Variants in XKR9 observed in about 807,000 individuals in gnomAD.
XKR9 encodes XK related 9, also known as XK-related protein 9.
In XKR9, 32 loss-of-function variants were observed where a neutral mutation model predicts 32.0. That is an observed-to-expected ratio of 1.00 (90% CI 0.76 to 1.34). XKR9 has a LOEUF of 1.34. Ranked by LOEUF, XKR9 falls within the 40% of genes most tolerant of loss-of-function variation. XKR9 has a pLI of 0.00. For missense variants in XKR9, 546 were observed against 429.7 expected (o/e 1.27, Z -2.39); for synonymous variants, 168 against 143.4 (o/e 1.17, Z -1.22).
At chr8:70,806,124 A>C in the XKR9 span, among the ~76,000 whole-genome samples, 1 of 152,154 alleles carries the variant, frequency 6.6e-6, no homozygotes, top group African/African-American at 2.4e-5. Flanking sequence ...AACCAGATGA[A>C]TGGGGCCTGA....
At chr8:71,042,347 G>T in the XKR9 span, among the ~76,000 whole-genome samples, 1 of 152,088 alleles carries the variant, frequency 6.6e-6, no homozygotes, top group Non-Finnish European at 1.5e-5. Context: ...CTCAGAGGGG[G>T]CAGTAGAGTA....
chr8:70,828,618 G>C, the XKR9 span, among the ~76,000 whole-genome samples: 2 of 151,806 alleles, frequency 1.3e-5, no homozygotes, highest in Non-Finnish European at 2.9e-5. Flanking sequence ...AGCTACTAGA[G>C]AGGCTGAGGC....
the XKR9 span, among the ~76,000 whole-genome samples, chr8:70,928,093 A>G: frequency 6.6e-6 from 1 of 152,200 alleles, no homozygotes; most frequent in South Asian, 2.1e-4. Context: ...ACCAAGCTGG[A>G]GTGCAGTAGA....
the XKR9 span, among the ~76,000 whole-genome samples, chr8:70,812,879 A>G: frequency 6.6e-6 from 1 of 152,238 alleles, no homozygotes; most frequent in Non-Finnish European, 1.5e-5. Flanking sequence ...AAGGTAATTT[A>G]TAGATTCAAT....
chr8:70,753,258 T>C (rs1288065898), intron 2 of XKR9, among the ~76,000 whole-genome samples: 3 of 152,056 alleles, frequency 2.0e-5, no homozygotes, highest in Non-Finnish European at 2.9e-5. Flanking sequence ...GGATCTGAAA[T>C]TGTGGCAATA....
the XKR9 span, among the ~76,000 whole-genome samples, chr8:71,018,336 T>C: frequency 6.6e-6 from 1 of 152,168 alleles, no homozygotes; most frequent in Non-Finnish European, 1.5e-5. Context: ...AATTTAACAA[T>C]TTGAAGAGAA....
chr8:70,912,356 A>G, the XKR9 span, among the ~76,000 whole-genome samples: 3 of 152,180 alleles, frequency 2.0e-5, no homozygotes, highest in Non-Finnish European at 2.9e-5. Flanking sequence ...GATGCATTAC[A>G]TGAAGACTAT....
At chr8:70,958,810 G>A in the XKR9 span, among the ~76,000 whole-genome samples, 1 of 152,126 alleles carries the variant, frequency 6.6e-6, no homozygotes, top group Non-Finnish European at 1.5e-5. Flanking sequence ...AGAGAGGACT[G>A]TTAGTCAAGT....
the XKR9 span, among the ~76,000 whole-genome samples, chr8:70,938,320 G>A: frequency 6.6e-6 from 1 of 151,838 alleles, no homozygotes; most frequent in African/African-American, 2.4e-5. Flanking sequence ...CTCGAGAAGA[G>A]GTTGGTCCTG....
the XKR9 span, among the ~76,000 whole-genome samples, chr8:70,825,041 C>T: frequency 6.6e-6 from 1 of 152,024 alleles, no homozygotes; most frequent in Non-Finnish European, 1.5e-5. Flanking sequence ...TTACTTTAAG[C>T]CAAATCAAGT....
At position 70,747,045 on chromosome 8, in the gene XKR9, G is replaced by A. The variant is rs889710799; in HGVS notation, n.352+39892G>A. 1.2e-4 allele frequency among the ~76,000 whole-genome samples: 18 copies of A among 152,084 alleles called. 1 individual carries two copies. The highest frequency in any genetic ancestry group is 2.9e-4 in the African/African-American group (12 of 41,406). Reference sequence around the variant, plus strand: ...TCTGTTTCTGTGTTAATTCACTTACGATAATGGCCTCCAGCTATCCATGGT... The same window carrying A: ...TCTGTTTCTGTGTTAATTCACTTACAATAATGGCCTCCAGCTATCCATGGT... On this transcript the variant is annotated intron_variant and non_coding_transcript_variant, in intron 2 of 3. Transcript: ENST00000520273.
chr8:70,992,848 T>G, the XKR9 span, among the ~76,000 whole-genome samples: 1 of 152,164 alleles, frequency 6.6e-6, no homozygotes, highest in Non-Finnish European at 1.5e-5. Flanking sequence ...GAGTCCAGAT[T>G]TACAGGCTCT....
At chr8:70,914,756 T>A in the XKR9 span, among the ~76,000 whole-genome samples, 4 of 152,232 alleles carry the variant, frequency 2.6e-5, no homozygotes, top group African/African-American at 7.2e-5. Context: ...TTTTCCTTTA[T>A]GGCTACTGCT....
chr8:70,713,522 C>G (rs1805989249), intron 4 of XKR9, among the ~76,000 whole-genome samples: 1 of 152,054 alleles, frequency 6.6e-6, no homozygotes, highest in Non-Finnish European at 1.5e-5. Context: ...GAGTGTACTT[C>G]AGACAAAACA....
At chr8:70,691,449 C>T (rs1805066445) in intron 3 of XKR9, among the ~76,000 whole-genome samples, 1 of 152,128 alleles carries the variant, frequency 6.6e-6, no homozygotes, top group African/African-American at 2.4e-5. Context: ...GCTTTTGTTG[C>T]AACTGCTTTT....
At chr8:71,024,389 C>T in the XKR9 span, among the ~76,000 whole-genome samples, 2 of 152,070 alleles carry the variant, frequency 1.3e-5, no homozygotes, top group South Asian at 2.1e-4. Flanking sequence ...CTGGGTCTAA[C>T]CTATATCATA....
At chr8:70,728,597 G>C (rs182379847) in intron 4 of XKR9, among the ~76,000 whole-genome samples, 1 of 152,266 alleles carries the variant, frequency 6.6e-6, no homozygotes, top group African/African-American at 2.4e-5. Context: ...AGCCCACAAA[G>C]AATTTAGGAT....
At chr8:70,811,760 A>G in the XKR9 span, among the ~76,000 whole-genome samples, 1 of 152,232 alleles carries the variant, frequency 6.6e-6, no homozygotes, top group Non-Finnish European at 1.5e-5. Flanking sequence ...GAATCTCAGA[A>G]TAGACCAATA....
chr8:70,770,680 A>T (rs963063266), intron 2 of XKR9, among the ~76,000 whole-genome samples: 1 of 152,216 alleles, frequency 6.6e-6, no homozygotes, highest in African/African-American at 2.4e-5. Context: ...GGCTCTGCCC[A>T]GCCTGACCTT....
Sources: gnomAD v4.1 joint callset for allele counts (sites outside exome capture counted in the v4.1 genomes callset) on GRCh38, gnomAD v4.1.1 for gene constraint, MANE v1.5 for transcripts, NCBI Gene and HGNC (gene_info 2026-07-23, HGNC 2026-07-21) for gene names.